The following DNMT1 variants were observed in gnomAD, a reference collection of about 807,000 sequenced individuals.
DNMT1 encodes DNA (cytosine-5)-methyltransferase 1.
In DNMT1, 24 loss-of-function variants were observed where a neutral mutation model predicts 205.3. That is an observed-to-expected ratio of 0.12 (90% CI 0.08 to 0.16). The LOEUF is 0.16. Among genes scored for constraint, DNMT1 ranks in the 10% least tolerant of loss-of-function variants. The pLI, the probability that DNMT1 is intolerant of heterozygous loss-of-function variation, is 1.00. For missense variants in DNMT1, 1,293 were observed against 2,177.7 expected, an observed-to-expected ratio of 0.59 and a Z score of 8.09; for synonymous variants, 817 against 839.8, an observed-to-expected ratio of 0.97 and a Z score of 0.47.
rs978444139 is a variant in DNMT1 at position 10,146,359 on chromosome 19, G to T, written c.2886C>A (p.Phe962Leu). 11 of 1,613,880 alleles carry T rather than the reference G, an allele frequency of 6.8e-6. No homozygotes were observed. The highest frequency in any genetic ancestry group is 5.3e-5 in the African/African-American group (4 of 74,890). ...TCCGAGGGGGCACTTACTTGAACGT[G>T]AAGGCCTCAGGGGGCAGGTACACAC... ...GDGVYLPPEA[F>L]TFNIKLSSPV... The change falls in exon 28 of 41, where the codon TTC becomes TTA. Residue 962 changes from phenylalanine to leucine, a missense_variant. Around this residue, in one of 13 missense-constraint regions of DNMT1, gnomAD observed 167 missense variants for 258.1 expected, o/e 0.65. Transcript: ENST00000359526. This position sits in a 1 kb window ranked among gnomAD's most constrained non-coding sequence, Gnocchi z 4.4.
In DNMT1 at chr19:10,134,158, C is replaced by A. The variant is rs1337330134; in HGVS notation, c.4864+59G>T. 6 of 1,594,910 alleles carry A rather than the reference C, an allele frequency of 3.8e-6. No individual in the cohort carries two copies. In the East Asian group the frequency reaches 1.1e-4, roughly 30 times the overall value. On this transcript the variant is annotated intron_variant, in intron 40 of 40. Transcript: ENST00000359526. ...CAAAACGGTGGCCAGCAACTGCCCC[C>A]ACATGTACCCCCAGAGGGCAGTCAG... is the stretch of plus-strand genomic sequence containing the variant.
At chr19:10,152,531 G>A (rs368554839) in intron 22 of DNMT1, among the ~76,000 whole-genome samples, 3 of 151,944 alleles carry the variant, frequency 2.0e-5, no homozygotes, top group Non-Finnish European at 2.9e-5. Flanking sequence ...ATGCTAAGGC[G>A]GGAGGACTGC....
chr19:10,189,260 T>C (rs1048018223), intron 1 of DNMT1, among the ~76,000 whole-genome samples: 2 of 151,990 alleles, frequency 1.3e-5, no homozygotes, highest in Non-Finnish European at 2.9e-5. Context: ...GCTGGGACTA[T>C]AGGCGTGTGC....
At chr19:10,171,202 A>T (rs2038808534) in intron 9 of DNMT1, among the ~76,000 whole-genome samples, 1 of 148,718 alleles carries the variant, frequency 6.7e-6, no homozygotes, top group Admixed American at 6.7e-5. Flanking sequence ...TTTACAAAGA[A>T]GATGAGGGAC....
At chr19:10,185,794 C>T (rs2039166336) in intron 1 of DNMT1, among the ~76,000 whole-genome samples, 1 of 142,626 alleles carries the variant, frequency 7.0e-6, no homozygotes, top group Non-Finnish European at 1.5e-5. Flanking sequence ...GGTACCACTG[C>T]AATCCAGCCT....
Position 10,166,674 on chromosome 19 carries a change from T to C in DNMT1, c.815A>G (p.Gln272Arg), listed in dbSNP as rs2038700633. The change falls in exon 11 of 41, where the codon CAG (glutamine) becomes CGG (arginine). Residue 272 changes from glutamine (Q) to arginine (R), a missense_variant. Transcript: ENST00000359526. The part of the protein sequence containing the change: ...RSQTKEPTPK[Q>R]KLKEEPDREA... ...TCTGTCCGGCTCCTCCTTCAGTTTC[T>C]GTTTGGGTGTTCTGTCACAGAAGAC... The C allele has an allele frequency of 1.2e-6, 2 of 1,614,062 alleles. No homozygotes were observed. Among genetic ancestry groups the C allele is most frequent in the African/African-American group, 1.3e-5 (1 of 74,936 alleles).
intron 1 of DNMT1, among the ~76,000 whole-genome samples, chr19:10,185,633 C>T (rs1277491163): frequency 6.6e-6 from 1 of 151,914 alleles, no homozygotes; most frequent in Non-Finnish European, 1.5e-5. Context: ...TTGAGACCAG[C>T]CTGGGCTACA....
In DNMT1 at chr19:10,156,564, G is replaced by T; in HGVS notation, c.1281-55C>A. 1 of 1,336,200 alleles carries T rather than the reference G, an allele frequency of 7.5e-7. No individual in the cohort carries two copies. The highest frequency in any genetic ancestry group is 1.1e-6 in the Non-Finnish European group (1 of 928,418). 82.8% of individuals were successfully genotyped at this position (1,336,200 alleles called of 1,614,324 possible). On this transcript the variant is annotated intron_variant, in intron 17 of 40. Coordinates refer to ENST00000359526, the MANE Select transcript of DNMT1 (RefSeq NM_001130823.3). The surrounding 1 kb of genome is among the most constrained non-coding windows in gnomAD (Gnocchi z 4.2). ...AGCTAAGCCGTGAAGGCGGGTCTTC[G>T]TGCAGACTTCAGATCAGGCACGAGG...
chr19:10,182,537 A>C (rs1329930534), intron 1 of DNMT1, among the ~76,000 whole-genome samples: 1 of 147,338 alleles, frequency 6.8e-6, no homozygotes, highest in African/African-American at 2.5e-5. Context: ...ATATGTGTAT[A>C]TATACATATG....
At chr19:10,184,957 T>G (rs1402298588) in intron 1 of DNMT1, among the ~76,000 whole-genome samples, 2 of 152,244 alleles carry the variant, frequency 1.3e-5, no homozygotes. Flanking sequence ...AATGCTTTGC[T>G]GGACCCATGT....
intron 39 of DNMT1, 50 bp downstream of exon 39, chr19:10,135,686 G>T: frequency 6.3e-7 from 1 of 1,580,678 alleles, no homozygotes; most frequent in Non-Finnish European, 8.6e-7. Flanking sequence ...CTGGTGACAG[G>T]CACAGAAGCC....
rs371490768 is a variant in DNMT1 at position 10,180,859 on chromosome 19, G to A, written c.144C>T (p.Leu48=). The change falls in exon 3 of 41, where the codon CTC becomes CTT. Residue 48 remains leucine (L), a synonymous_variant. Transcript: ENST00000359526. The part of the protein sequence containing the change: ...EKECVKEKLN[L]LHEFLQTEIK... The stretch of plus-strand genomic sequence containing the variant: ...TTTCTGTTTGCAGAAATTCGTGCAA[G>A]AGATTCAATTTCTCCTTCACACATT... 2 of 1,614,148 alleles carry A rather than the reference G, an allele frequency of 1.2e-6. No homozygotes were observed. The highest frequency in any genetic ancestry group is 1.7e-6 in the Non-Finnish European group (2 of 1,180,016).
chr19:10,180,969 G>T, intron 2 of DNMT1, 84 bp from the exon 3 acceptor site: 2 of 1,094,706 alleles, frequency 1.8e-6, no homozygotes, highest in Non-Finnish European at 2.8e-6. Context: ...TGAGCTGCCT[G>T]ATCACATCAC....
chr19:10,140,748 A>T lies in DNMT1; in HGVS notation c.3523+33T>A. The T allele has an allele frequency of 6.2e-7, 1 of 1,613,924 alleles. No individual in the cohort carries two copies. Reference sequence around the variant, plus strand: ...AGCACCTGCCCGGTCTGGGCTCACCAGGTATTCAGAGATGGAGCCTACGGG... The same window carrying T: ...AGCACCTGCCCGGTCTGGGCTCACCTGGTATTCAGAGATGGAGCCTACGGG... On this transcript the variant is annotated intron_variant, in intron 32 of 40. Transcript: ENST00000359526. This position sits in a 1 kb window ranked among gnomAD's most constrained non-coding sequence, Gnocchi z 8.4.
intron 29 of DNMT1, among the ~76,000 whole-genome samples, chr19:10,143,105 G>GA (rs1457347744): frequency 1.3e-5 from 2 of 152,246 alleles, no homozygotes; most frequent in Admixed American, 6.5e-5. Context: ...TTAGGAAAGA[G>GA]AAAAAATCCC....
intron 13 of DNMT1, among the ~76,000 whole-genome samples, chr19:10,161,454 G>A (rs2038570005): frequency 6.6e-6 from 1 of 152,030 alleles, no homozygotes; most frequent in Non-Finnish European, 1.5e-5. Flanking sequence ...CTCAAGACCA[G>A]CCTGGGCAAC....
At chr19:10,152,213 C>A in intron 22 of DNMT1, among the ~76,000 whole-genome samples, 1 of 94,692 alleles carries the variant, frequency 1.1e-5, no homozygotes, top group Non-Finnish European at 2.1e-5. Flanking sequence ...GCAAATCACA[C>A]AGCCCTTACT....
At position 10,140,924 on chromosome 19, in the gene DNMT1, C is replaced by T. The variant is rs774718445; in HGVS notation, c.3395-15G>A. On this transcript the variant is annotated splice_polypyrimidine_tract_variant and intron_variant, in intron 31 of 40. Transcript: ENST00000359526. The surrounding 1 kb of genome is among the most constrained non-coding windows in gnomAD (Gnocchi z 8.4). The stretch of plus-strand genomic sequence containing the variant: ...CTTGCCCTTCCCTGGGGGAGAGAGG[C>T]CAGAGGCTAAACCCGATCCTCAGAG... 69 of 1,613,732 alleles carry T rather than the reference C, an allele frequency of 4.3e-5. 3 individuals are homozygous for T. The South Asian group carries it at 7.6e-4, about 18-fold the overall frequency.
intron 19 of DNMT1, 149 bp from the exon 20 acceptor site, chr19:10,155,205 ATAGC>A: frequency 9.0e-7 from 1 of 1,114,086 alleles, no homozygotes; most frequent in Non-Finnish European, 1.3e-6. Flanking sequence ...ACAACACATC[ATAGC>A]TGGCTTGTTC....
Sources: allele counts gnomAD v4.1 joint callset (sites outside exome capture counted in the v4.1 genomes callset), GRCh38; gene constraint gnomAD v4.1.1; regional missense constraint gnomAD v4.1.1; non-coding constraint Gnocchi (gnomAD v3.1); transcripts MANE v1.5; gene names NCBI Gene and HGNC (gene_info 2026-07-23, HGNC 2026-07-21).